Variants in ABCG8 observed in about 807,000 individuals in gnomAD.
ABCG8 encodes the protein ATP binding cassette subfamily G member 8.
ABCG8 carries 81 observed loss-of-function variants against 71.3 expected under a neutral mutation model. The observed-to-expected ratio is 1.14, with a 90% CI of 0.95 to 1.37. The LOEUF is 1.37. ABCG8 is among the 40% of genes most tolerant of loss of function. The pLI, the probability that ABCG8 is intolerant of heterozygous loss-of-function variation, is 0.00. For synonymous variants in ABCG8, 451 were observed against 354.7 expected (o/e 1.27, Z -3.05); for missense variants, 1,119 against 866.2 (o/e 1.29, Z -3.66).
chr2:43,842,147 C>A (rs1668600246), intron 1 of ABCG8, among the ~76,000 whole-genome samples: 1 of 152,034 alleles, frequency 6.6e-6, no homozygotes, highest in Admixed American at 6.6e-5. Flanking sequence ...GTAGCTGGGA[C>A]TATAGGGGTG....
intron 2 of ABCG8, among the ~76,000 whole-genome samples, chr2:43,845,094 G>GTATATA (rs1227569731): frequency 1.6e-5 from 2 of 121,390 alleles, no homozygotes; most frequent in African/African-American, 6.5e-5. Context: ...GTGTGTGTGT[G>GTATATA]TGTGTATATA....
chr2:43,870,543 C>T (rs72798833), intron 6 of ABCG8, among the ~76,000 whole-genome samples: 8,097 of 152,046 alleles, frequency 0.053, 243 homozygotes, highest in Middle Eastern at 0.11. Context: ...ATAGAACTCT[C>T]ACTATCTGTC....
chr2:43,866,868 A>C (rs1230987865), intron 6 of ABCG8, among the ~76,000 whole-genome samples: 1 of 151,282 alleles, frequency 6.6e-6, no homozygotes, highest in African/African-American at 2.4e-5. Context: ...AGGACTATAA[A>C]TCATGCTGCT....
intron 6 of ABCG8, among the ~76,000 whole-genome samples, chr2:43,860,409 C>A (rs975814358): frequency 1.3e-5 from 2 of 150,646 alleles, no homozygotes; most frequent in African/African-American, 4.9e-5. Flanking sequence ...GTACAGTTCT[C>A]ACGATCTGGA....
In ABCG8 at chr2:43,877,702, G is replaced by A; in HGVS notation, c.1884+14G>A. The A allele has an allele frequency of 1.2e-6, 2 of 1,614,078 alleles. No individual in the cohort carries two copies. The highest frequency in any genetic ancestry group is 1.7e-6 in the Non-Finnish European group (2 of 1,179,996). On this transcript the variant is annotated intron_variant, in intron 12 of 12. Coordinates refer to ENST00000272286, the MANE Select transcript of ABCG8 (RefSeq NM_022437.3). ...TCAGGAGATAAAGTAAGCGGGGAAG[G>A]CCTCGGGTTCTAAATTATTGGACGT...
chr2:43,841,186 C>T (rs541442063), intron 1 of ABCG8, among the ~76,000 whole-genome samples: 5 of 152,328 alleles, frequency 3.3e-5, no homozygotes, highest in South Asian at 2.1e-4. Context: ...TCACTCCCCC[C>T]GGGGCATAGG....
chr2:43,839,116 G>C lies in ABCG8; in HGVS notation c.63G>C (p.Ser21=), dbSNP rs574659773. The C allele has an allele frequency of 1.3e-6, 2 of 1,551,060 alleles. No homozygotes were observed. The highest frequency in any genetic ancestry group is 2.7e-5 in the African/African-American group (2 of 73,054). Residue 21 remains serine, a splice_region_variant and synonymous_variant, in exon 1 of 13, where the codon TCG becomes TCC. Coordinates refer to ENST00000272286, the MANE Select transcript of ABCG8 (RefSeq NM_022437.3). The part of the protein sequence containing the change: ...LPKGATPQDT[S]GLQDRLFSSE... ...AAGGGGCCACTCCCCAGGATACCTC[G>C]GTGAGTGAGCAATGGGAAGTCGGCC...
At chr2:43,851,992 A>T (rs1572834580) in intron 4 of ABCG8, among the ~76,000 whole-genome samples, 170 bp downstream of exon 4, 3 of 151,368 alleles carry the variant, frequency 2.0e-5, no homozygotes, top group Non-Finnish European at 4.4e-5. Context: ...CTCCTTTCAA[A>T]CCCCACAGCC....
chr2:43,852,653 AC>A lies in ABCG8; in HGVS notation c.751del (p.Leu251TrpfsTer2), dbSNP rs763568449. The A allele has an allele frequency of 2.5e-6, 4 of 1,613,990 alleles. No individual in the cohort carries two copies. In the African/African-American group the frequency reaches 5.3e-5, roughly 22 times the overall value. The part of the protein sequence containing the change: ...TSGLDSFTAH[N>X]LVKTLSRLAK... ...GGGCTCGACAGCTTCACAGCCCACA[AC>A]CTGGTGAAGACCTTGTCCAGGCTGG... On this transcript the variant is annotated frameshift_variant, in exon 6 of 13. Coordinates refer to ENST00000272286, the MANE Select transcript of ABCG8 (RefSeq NM_022437.3). LOFTEE classifies it high-confidence loss of function.
At chr2:43,859,744 G>A (rs1179791757) in intron 6 of ABCG8, among the ~76,000 whole-genome samples, 1 of 151,244 alleles carries the variant, frequency 6.6e-6, no homozygotes, top group African/African-American at 2.4e-5. Flanking sequence ...CCTCTGGATA[G>A]CACTCTCACT....
chr2:43,852,619 C>T lies in ABCG8; in HGVS notation c.715C>T (p.Pro239Ser). The change falls in exon 6 of 13, where the codon CCC becomes TCC. Residue 239 changes from proline (P) to serine (S), a missense_variant. Transcript: ENST00000272286. The stretch of plus-strand genomic sequence containing the variant: ...GAAAGGAATCCTTATTCTCGACGAA[C>T]CCACCTCTGGGCTCGACAGCTTCAC... Reference protein sequence around the residue: ...WNPGILILDEPTSGLDSFTAH... With the variant: ...WNPGILILDESTSGLDSFTAH... 1 of 1,614,166 alleles carries T rather than the reference C, an allele frequency of 6.2e-7. No individual in the cohort carries two copies. Among genetic ancestry groups the T allele is most frequent in the Non-Finnish European group, 8.5e-7 (1 of 1,180,024 alleles).
chr2:43,844,474 A>C (rs1446934672), intron 1 of ABCG8, 33 bp from the exon 2 acceptor site: 1 of 1,558,692 alleles, frequency 6.4e-7, no homozygotes, highest in South Asian at 1.1e-5. Context: ...AGCAGCTTCT[A>C]AAGGAGCCCC....
chr2:43,875,532 T>G, intron 11 of ABCG8, 119 bp downstream of exon 11: 1 of 1,343,614 alleles, frequency 7.4e-7, no homozygotes, highest in Non-Finnish European at 1.0e-6. Context: ...CTGGCCCTTC[T>G]GGAAGCAGAG....
chr2:43,855,788 C>T (rs1235082669), intron 6 of ABCG8, among the ~76,000 whole-genome samples: 1 of 151,256 alleles, frequency 6.6e-6, no homozygotes, highest in African/African-American at 2.4e-5. Flanking sequence ...CAGGATAGAA[C>T]TCTCACTATC....
intron 6 of ABCG8, among the ~76,000 whole-genome samples, chr2:43,862,040 C>A (rs1200866446): frequency 1.3e-5 from 2 of 151,298 alleles, no homozygotes; most frequent in Admixed American, 6.6e-5. Context: ...AGAATTCTCA[C>A]CATCTAGATA....
At chr2:43,874,311 T>A in intron 9 of ABCG8, 96 bp from the exon 10 acceptor site, 2 of 1,095,288 alleles carry the variant, frequency 1.8e-6, no homozygotes, top group Non-Finnish European at 2.8e-6. Flanking sequence ...GGCAATATGA[T>A]AACTACTTTG....
At chr2:43,845,439 A>C (rs902950157) in intron 2 of ABCG8, among the ~76,000 whole-genome samples, 4 of 152,166 alleles carry the variant, frequency 2.6e-5, no homozygotes, top group African/African-American at 9.7e-5. Context: ...GATTCTGAGC[A>C]TATCTATGTT....
chr2:43,871,057 A>ACC (rs1185150655), intron 6 of ABCG8, among the ~76,000 whole-genome samples: 98 of 134,452 alleles, frequency 7.3e-4, no homozygotes, highest in Middle Eastern at 5.6e-3. Flanking sequence ...TAGAATTCTT[A>ACC]CTCTAGATAG....
chr2:43,880,089 G>A lies in ABCG8; in HGVS notation c.*2176G>A, dbSNP rs1338395631. 5.3e-5 allele frequency: 8 copies of A among 151,492 alleles called. No homozygotes were observed. Among genetic ancestry groups the A allele is most frequent in the African/African-American group, 9.7e-5 (4 of 41,162 alleles). The allele number at this position is 151,492 out of a possible 1,614,324, so 9.4% of individuals were successfully genotyped here. ...CCCTGATTTGGCCAGTGGGAACCCC[G>A]TCGAGCTGGCTTCTGCATCCTTTTG... On this transcript the variant is annotated 3_prime_UTR_variant, in exon 13 of 13. Coordinates refer to ENST00000272286, the MANE Select transcript of ABCG8 (RefSeq NM_022437.3).
Sources: gnomAD v4.1 joint callset for allele counts (sites outside exome capture counted in the v4.1 genomes callset) on GRCh38, gnomAD v4.1.1 for gene constraint, MANE v1.5 for transcripts, NCBI Gene and HGNC (gene_info 2026-07-23, HGNC 2026-07-21) for gene names.